LRP1B: variants seen among roughly 807,000 people sequenced by gnomAD.
The protein encoded by LRP1B is low-density lipoprotein receptor-related protein 1B.
Under a neutral mutation model 556.6 loss-of-function variants are expected in LRP1B, and 217 were observed. That is an observed-to-expected ratio of 0.39 (90% CI 0.35 to 0.44). The LOEUF (loss-of-function observed/expected upper bound fraction) is 0.44. Ranked by LOEUF, LRP1B falls within the 20% of genes least tolerant of loss-of-function variation. The probability of loss-of-function intolerance (pLI) is 1.00; values close to 1 mark genes in which losing one functional copy is unlikely to be tolerated. For missense variants in LRP1B, 5,053 were observed against 5,620.8 expected (o/e 0.90, Z 3.23); for synonymous variants, 2,047 against 1,865.8 (o/e 1.10, Z -2.50).
At chr2:140,899,485 G>C (rs1207101776) in intron 23 of LRP1B, among the ~76,000 whole-genome samples, 1 of 152,184 alleles carries the variant, frequency 6.6e-6, no homozygotes, top group African/African-American at 2.4e-5. Context: ...ATTTCATTCA[G>C]TTTCAATGTG....
intron 31 of LRP1B, among the ~76,000 whole-genome samples, chr2:140,814,573 T>G (rs1691043092): frequency 6.6e-6 from 1 of 152,242 alleles, no homozygotes; most frequent in Non-Finnish European, 1.5e-5. Context: ...ATTTAACTGA[T>G]GAAATTTATA....
At chr2:140,756,581 G>A (rs1432641678) in intron 35 of LRP1B, among the ~76,000 whole-genome samples, 2 of 152,090 alleles carry the variant, frequency 1.3e-5, no homozygotes, top group Non-Finnish European at 2.9e-5. Flanking sequence ...ATAGTGGAAA[G>A]ACTCGTCTTT....
intron 7 of LRP1B, among the ~76,000 whole-genome samples, chr2:141,081,972 T>C (rs903795763): frequency 2.6e-5 from 4 of 152,192 alleles, no homozygotes; most frequent in Non-Finnish European, 4.4e-5. Flanking sequence ...GTATTGTCAA[T>C]GTTTTTTATA....
intron 41 of LRP1B, among the ~76,000 whole-genome samples, chr2:140,647,432 T>A (rs889625321): frequency 6.6e-6 from 1 of 152,102 alleles, no homozygotes; most frequent in African/African-American, 2.4e-5. Context: ...AATTATTGAG[T>A]GTTTACCATA....
chr2:140,645,074 A>G (rs1684432827), intron 41 of LRP1B, among the ~76,000 whole-genome samples: 1 of 152,100 alleles, frequency 6.6e-6, no homozygotes, highest in African/African-American at 2.4e-5. Flanking sequence ...TACCCAGGTC[A>G]GTTTTCACAG....
At position 140,506,929 on chromosome 2, in the gene LRP1B, C is replaced by T. The variant is rs773568481; in HGVS notation, c.8399-11G>A. 22 of 1,611,378 alleles carry T rather than the reference C, an allele frequency of 1.4e-5. No individual in the cohort carries two copies. The highest frequency in any genetic ancestry group is 1.7e-5 in the Non-Finnish European group (20 of 1,178,884). Reference sequence around the variant, plus strand: ...ATGTATTATTGGGAGCTAAGAAAGGCATCACAAAAAATAAAGTTAGATGAG... The same window carrying T: ...ATGTATTATTGGGAGCTAAGAAAGGTATCACAAAAAATAAAGTTAGATGAG... On this transcript the variant is annotated splice_polypyrimidine_tract_variant and intron_variant, in intron 52 of 90. Transcript: ENST00000389484.
chr2:140,994,229 T>C, intron 15 of LRP1B, 94 bp from the exon 16 acceptor site: 3 of 1,086,666 alleles, frequency 2.8e-6, no homozygotes, highest in Non-Finnish European at 4.1e-6. Context: ...TTGTTTTAGA[T>C]TCTACATATC....
chr2:142,111,111 G>T (rs776081601), intron 1 of LRP1B, among the ~76,000 whole-genome samples: 1 of 152,034 alleles, frequency 6.6e-6, no homozygotes, highest in East Asian at 1.9e-4. Flanking sequence ...ATTAATAACT[G>T]CCCACTGTGG....
intron 84 of LRP1B, among the ~76,000 whole-genome samples, chr2:140,290,631 A>G (rs1035038209): frequency 6.6e-6 from 1 of 152,116 alleles, no homozygotes; most frequent in African/African-American, 2.4e-5. Flanking sequence ...GAACAACTGA[A>G]AAGATTGTTC....
At chr2:140,487,836 T>C (rs1289193670) in intron 57 of LRP1B, 97 bp from the exon 58 acceptor site, 16 of 698,432 alleles carry the variant, frequency 2.3e-5, no homozygotes, top group Non-Finnish European at 3.2e-5. Flanking sequence ...CCTTTGAAAC[T>C]AAATAGTTCT....
intron 3 of LRP1B, among the ~76,000 whole-genome samples, chr2:141,360,981 T>A (rs1688806542): frequency 1.3e-5 from 2 of 152,100 alleles, no homozygotes; most frequent in African/African-American, 2.4e-5. Context: ...TATAAGTACC[T>A]CCCCAAATAA....
chr2:141,205,082 A>C (rs1573648090), intron 6 of LRP1B, among the ~76,000 whole-genome samples: 1 of 152,212 alleles, frequency 6.6e-6, no homozygotes, highest in Non-Finnish European at 1.5e-5. Context: ...ATATGGTAAT[A>C]CACTTGATCT....
In LRP1B at chr2:141,210,916, C is replaced by G. The variant is rs1352638325; in HGVS notation, c.850+18267G>C. Among the ~76,000 whole-genome samples the G allele has an allele frequency of 2.6e-5, 4 of 152,148 alleles. No individual in the cohort carries two copies. In the East Asian group the frequency reaches 5.8e-4, roughly 22 times the overall value. Reference sequence around the variant, plus strand: ...AAAAAATAGGAATAGTCTTTGCAGCCTAACAGCTAAACTAACAATAAAGAC... The same window carrying G: ...AAAAAATAGGAATAGTCTTTGCAGCGTAACAGCTAAACTAACAATAAAGAC... On this transcript the variant is annotated intron_variant, in intron 6 of 90. Coordinates refer to ENST00000389484, the MANE Select transcript of LRP1B (RefSeq NM_018557.3).
chr2:140,575,951 A>AAAAAAG (rs1553489487), intron 43 of LRP1B, among the ~76,000 whole-genome samples: 1 of 151,842 alleles, frequency 6.6e-6, no homozygotes, highest in African/African-American at 2.4e-5. Context: ...ACAAAAAAAA[A>AAAAAAG]GTATCAAAGA....
At chr2:141,563,574 G>A (rs1490501128) in intron 2 of LRP1B, among the ~76,000 whole-genome samples, 1 of 152,044 alleles carries the variant, frequency 6.6e-6, no homozygotes, top group Non-Finnish European at 1.5e-5. Context: ...GATTCAAGGA[G>A]TAAGAAGTTT....
intron 1 of LRP1B, among the ~76,000 whole-genome samples, chr2:142,105,899 T>C (rs1706730020): frequency 2.0e-5 from 3 of 152,352 alleles, no homozygotes; most frequent in Admixed American, 2.0e-4. Context: ...AAATATCATT[T>C]AACCCTGTTT....
intron 7 of LRP1B, among the ~76,000 whole-genome samples, chr2:141,186,616 G>T (rs1248050374): frequency 2.6e-5 from 4 of 151,920 alleles, no homozygotes; most frequent in African/African-American, 7.2e-5. Flanking sequence ...AAATTCCAAA[G>T]AACCTATTCT....
chr2:140,825,328 C>T (rs575943024), intron 31 of LRP1B, among the ~76,000 whole-genome samples: 1 of 152,256 alleles, frequency 6.6e-6, no homozygotes, highest in African/African-American at 2.4e-5. Flanking sequence ...AAGTTTCGGT[C>T]ACACTGCACT....
chr2:141,471,895 A>T (rs1337675567), intron 3 of LRP1B, among the ~76,000 whole-genome samples: 1 of 152,200 alleles, frequency 6.6e-6, no homozygotes, highest in Non-Finnish European at 1.5e-5. Context: ...TTCCACTATC[A>T]AGATGAGAAA....
Sources: allele counts gnomAD v4.1 joint callset (sites outside exome capture counted in the v4.1 genomes callset), GRCh38; gene constraint gnomAD v4.1.1; transcripts MANE v1.5; gene names NCBI Gene and HGNC (gene_info 2026-07-23, HGNC 2026-07-21).